The following ULK4 variants were observed in gnomAD, a reference collection of about 807,000 sequenced individuals.
ULK4 encodes the protein inactive serine/threonine-protein kinase ULK4.
Under a neutral mutation model 160.6 loss-of-function variants are expected in ULK4, and 133 were observed. That is an observed-to-expected ratio of 0.83 (90% CI 0.72 to 0.96). The LOEUF (loss-of-function observed/expected upper bound fraction) is 0.96. ULK4 is among the 40% of genes least tolerant of loss of function. The pLI is 0.00. For synonymous variants in ULK4, 534 were observed against 539.8 expected, an observed-to-expected ratio of 0.99 and a Z score of 0.15; for missense variants, 1,580 against 1,499.5, an observed-to-expected ratio of 1.05 and a Z score of -0.89.
At chr3:41,687,360 A>C (rs2036136914) in intron 27 of ULK4, among the ~76,000 whole-genome samples, 1 of 151,774 alleles carries the variant, frequency 6.6e-6, no homozygotes, top group South Asian at 2.1e-4. Flanking sequence ...CGATGAAGAG[A>C]GACTCCATCT....
At chr3:41,937,635 C>A (rs1699822513) in intron 3 of ULK4, among the ~76,000 whole-genome samples, 1 of 152,102 alleles carries the variant, frequency 6.6e-6, no homozygotes. Flanking sequence ...TGTATATGGT[C>A]CTAGAAAGCT....
chr3:41,629,453 C>T (rs1002510826), intron 30 of ULK4, among the ~76,000 whole-genome samples: 42 of 152,106 alleles, frequency 2.8e-4, no homozygotes, highest in African/African-American at 1.0e-3. Context: ...TCAAAGAGAA[C>T]CAGATGGCTT....
chr3:41,367,041 A>G (rs1352593965), intron 35 of ULK4, among the ~76,000 whole-genome samples: 1 of 152,218 alleles, frequency 6.6e-6, no homozygotes, highest in African/African-American at 2.4e-5. Context: ...GAAATCTTTC[A>G]AGTTGTCATC....
chr3:41,481,365 C>T (rs2125896891), intron 32 of ULK4, among the ~76,000 whole-genome samples: 1 of 152,284 alleles, frequency 6.6e-6, no homozygotes, highest in African/African-American at 2.4e-5. Context: ...GTGTTTGAAC[C>T]AGACTGACTC....
chr3:41,823,305 T>C (rs1289156642), intron 18 of ULK4, among the ~76,000 whole-genome samples: 2 of 152,084 alleles, frequency 1.3e-5, no homozygotes, highest in South Asian at 4.1e-4. Flanking sequence ...GAGGTCAGTA[T>C]AGCTGGAAGG....
chr3:41,593,247 T>C (rs944562420), intron 31 of ULK4, among the ~76,000 whole-genome samples: 3 of 152,200 alleles, frequency 2.0e-5, no homozygotes, highest in Non-Finnish European at 2.9e-5. Context: ...AAACAAGAGC[T>C]GATGCAAAGT....
chr3:41,772,652 C>T (rs2039436712), intron 21 of ULK4, among the ~76,000 whole-genome samples: 1 of 152,172 alleles, frequency 6.6e-6, no homozygotes, highest in African/African-American at 2.4e-5. Context: ...CAAGGAGGAA[C>T]TGGTACCATT....
intron 35 of ULK4, 71 bp from the exon 36 acceptor site, chr3:41,249,645 C>A: frequency 1.4e-6 from 2 of 1,472,776 alleles, no homozygotes; most frequent in Admixed American, 1.9e-5. Flanking sequence ...TGGATGGGCA[C>A]CCTGAGTATC....
intron 17 of ULK4, among the ~76,000 whole-genome samples, chr3:41,857,196 T>C (rs562262519): frequency 6.6e-6 from 1 of 152,260 alleles, no homozygotes; most frequent in South Asian, 2.1e-4. Context: ...CTGGTTTCTG[T>C]AGAGCCCTAT....
chr3:41,936,468 A>G (rs1217626183), intron 3 of ULK4, among the ~76,000 whole-genome samples: 1 of 152,208 alleles, frequency 6.6e-6, no homozygotes, highest in Non-Finnish European at 1.5e-5. Flanking sequence ...CTTCTCTACC[A>G]TCTAAGTGCC....
chr3:41,405,987 CA>C (rs2082286068), intron 34 of ULK4, among the ~76,000 whole-genome samples: 1 of 152,076 alleles, frequency 6.6e-6, no homozygotes, highest in Non-Finnish European at 1.5e-5. Flanking sequence ...TCCTGTCCAT[CA>C]ATTTTTGTTT....
chr3:41,678,150 G>A (rs1407436446), intron 29 of ULK4, among the ~76,000 whole-genome samples: 7 of 145,784 alleles, frequency 4.8e-5, no homozygotes, highest in East Asian at 4.1e-4. Context: ...CACGCGAGCC[G>A]GTTTCTTAAA....
chr3:41,359,905 C>T (rs936491898), intron 35 of ULK4, among the ~76,000 whole-genome samples: 1 of 151,932 alleles, frequency 6.6e-6, no homozygotes, highest in African/African-American at 2.4e-5. Flanking sequence ...GCAATTGCAA[C>T]AAAAACAAAA....
intron 19 of ULK4, among the ~76,000 whole-genome samples, chr3:41,807,903 A>T (rs1189167397): frequency 6.6e-6 from 1 of 152,168 alleles, no homozygotes; most frequent in Non-Finnish European, 1.5e-5. Context: ...AAAATGTGAC[A>T]TCCATTTGAC....
At chr3:41,312,077 TAACCTCCTGCCTC>T (rs1256798386) in intron 35 of ULK4, among the ~76,000 whole-genome samples, 1 of 151,354 alleles carries the variant, frequency 6.6e-6, no homozygotes, top group Non-Finnish European at 1.5e-5. Context: ...GGGCTCCAGC[TAACCTCCTGCCTC>T]AGCCTCCTGA....
intron 22 of ULK4, among the ~76,000 whole-genome samples, chr3:41,722,424 T>C (rs905441150): frequency 1.3e-5 from 2 of 151,964 alleles, no homozygotes; most frequent in East Asian, 1.9e-4. Context: ...AGGTCAGGAG[T>C]TCGAGACCAG....
chr3:41,733,573 TAA>T (rs1221254874), intron 22 of ULK4, among the ~76,000 whole-genome samples: 1 of 152,056 alleles, frequency 6.6e-6, no homozygotes, highest in South Asian at 2.1e-4. Context: ...TAAATATTTA[TAA>T]AAAGAGGTAA....
At chr3:41,727,677 A>G (rs1016189896) in intron 22 of ULK4, among the ~76,000 whole-genome samples, 1 of 152,200 alleles carries the variant, frequency 6.6e-6, no homozygotes. Context: ...ATTGTATGCC[A>G]TGGTAAGAAG....
intron 27 of ULK4, among the ~76,000 whole-genome samples, chr3:41,690,324 G>C (rs1376020025): frequency 6.6e-6 from 1 of 151,422 alleles, no homozygotes; most frequent in African/African-American, 2.4e-5. Flanking sequence ...ATAGCTTTAG[G>C]AGATATACCT....
Sources: allele counts gnomAD v4.1 joint callset (sites outside exome capture counted in the v4.1 genomes callset), GRCh38; gene constraint gnomAD v4.1.1; transcripts MANE v1.5; gene names NCBI Gene and HGNC (gene_info 2026-07-23, HGNC 2026-07-21).